The following TAFA1 variants were observed in gnomAD, a reference collection of about 807,000 sequenced individuals.
TAFA1 encodes the protein TAFA chemokine like family member 1.
In TAFA1, 4 loss-of-function variants were observed where a neutral mutation model predicts 18.5. The ratio of observed to expected loss-of-function variants is 0.22; its 90% CI spans 0.11 to 0.49. The LOEUF is 0.49. Among genes scored for constraint, TAFA1 ranks in the 20% least tolerant of loss-of-function variants. The pLI, the probability that TAFA1 is intolerant of heterozygous loss-of-function variation, is 0.98. For missense variants in TAFA1, 147 were observed against 169.0 expected, an observed-to-expected ratio of 0.87 and a Z score of 0.72; for synonymous variants, 56 against 55.2, an observed-to-expected ratio of 1.01 and a Z score of -0.06.
intron 2 of TAFA1, among the ~76,000 whole-genome samples, chr3:68,390,007 CG>C (rs2070194816): frequency 2.6e-5 from 4 of 152,086 alleles, no homozygotes; most frequent in Non-Finnish European, 5.9e-5. Context: ...CAGTGACAAC[CG>C]TTCACTCCCC....
intron 3 of TAFA1, among the ~76,000 whole-genome samples, chr3:68,522,175 T>C (rs1188635316): frequency 6.6e-6 from 1 of 152,154 alleles, no homozygotes; most frequent in Non-Finnish European, 1.5e-5. Context: ...TAAATTTTTC[T>C]AGAATATCCT....
intron 2 of TAFA1, among the ~76,000 whole-genome samples, chr3:68,125,143 A>G (rs2065448920): frequency 6.6e-6 from 1 of 152,210 alleles, no homozygotes; most frequent in South Asian, 2.1e-4. Context: ...CTGAGTTCAT[A>G]GGTTTGAATC....
chr3:68,014,742 C>T (rs1417289133), intron 2 of TAFA1, among the ~76,000 whole-genome samples: 1 of 152,130 alleles, frequency 6.6e-6, no homozygotes, highest in Non-Finnish European at 1.5e-5. Flanking sequence ...TATTTGAAAA[C>T]TTTGTGGATG....
At chr3:68,371,721 A>G (rs868622075) in intron 2 of TAFA1, among the ~76,000 whole-genome samples, 2 of 152,218 alleles carry the variant, frequency 1.3e-5, no homozygotes, top group Non-Finnish European at 2.9e-5. Context: ...AAATCACCTA[A>G]GATAGATGTT....
intron 2 of TAFA1, among the ~76,000 whole-genome samples, chr3:68,231,581 CG>C (rs2066872798): frequency 6.6e-6 from 1 of 150,868 alleles, no homozygotes; most frequent in Non-Finnish European, 1.5e-5. Context: ...AGGATGGTCT[CG>C]ATCTCCTGAC....
At chr3:68,245,992 T>C (rs2107145688) in intron 2 of TAFA1, among the ~76,000 whole-genome samples, 1 of 152,244 alleles carries the variant, frequency 6.6e-6, no homozygotes, top group East Asian at 1.9e-4. Context: ...TCTCCAATAA[T>C]GCAAGCTCCC....
chr3:68,318,003 G>A (rs2068632795), intron 2 of TAFA1, among the ~76,000 whole-genome samples: 1 of 152,118 alleles, frequency 6.6e-6, no homozygotes, highest in Non-Finnish European at 1.5e-5. Context: ...GGGTGGCCAA[G>A]TCGTCTGCCA....
At chr3:68,430,791 AC>A (rs2071154887) in intron 3 of TAFA1, among the ~76,000 whole-genome samples, 1 of 151,960 alleles carries the variant, frequency 6.6e-6, no homozygotes, top group Non-Finnish European at 1.5e-5. Context: ...TCACACTGCT[AC>A]AAAGAGTCTT....
chr3:68,314,167 T>C (rs555360362), intron 2 of TAFA1, among the ~76,000 whole-genome samples: 1 of 152,246 alleles, frequency 6.6e-6, no homozygotes, highest in East Asian at 1.9e-4. Context: ...CTATGAAAAA[T>C]CTTTAGGAGG....
intron 2 of TAFA1, among the ~76,000 whole-genome samples, chr3:68,378,408 G>A (rs937970400): frequency 9.9e-5 from 15 of 152,128 alleles, no homozygotes; most frequent in Non-Finnish European, 1.8e-4. Context: ...CCTCCCACTT[G>A]GAACAGGAGC....
At chr3:68,121,731 C>A (rs543982758) in intron 2 of TAFA1, among the ~76,000 whole-genome samples, 1 of 152,242 alleles carries the variant, frequency 6.6e-6, no homozygotes, top group Admixed American at 6.5e-5. Context: ...CCTTTGTCAT[C>A]TAGATCTATC....
intron 2 of TAFA1, among the ~76,000 whole-genome samples, chr3:68,095,700 T>G (rs942246284): frequency 1.3e-5 from 2 of 152,178 alleles, no homozygotes; most frequent in African/African-American, 4.8e-5. Context: ...GTAACAACAC[T>G]ACTAATTCGT....
chr3:68,187,246 G>A (rs1046676561), intron 2 of TAFA1, among the ~76,000 whole-genome samples: 6 of 151,838 alleles, frequency 4.0e-5, no homozygotes, highest in Non-Finnish European at 8.8e-5. Flanking sequence ...GTTTAGGGGA[G>A]TATAGCATAT....
At chr3:68,368,899 C>T (rs1217473592) in intron 2 of TAFA1, among the ~76,000 whole-genome samples, 1 of 152,174 alleles carries the variant, frequency 6.6e-6, no homozygotes, top group Non-Finnish European at 1.5e-5. Context: ...CTGCTGTTTT[C>T]TCCGTGAATT....
chr3:68,326,515 T>G (rs1165882435), intron 2 of TAFA1, among the ~76,000 whole-genome samples: 5 of 152,200 alleles, frequency 3.3e-5, no homozygotes, highest in Admixed American at 3.3e-4. Context: ...CCTGAGAGTT[T>G]GCTTGCAATT....
chr3:68,192,100 A>G (rs1008136697), intron 2 of TAFA1, among the ~76,000 whole-genome samples: 11 of 151,780 alleles, frequency 7.2e-5, no homozygotes, highest in African/African-American at 2.2e-4. Flanking sequence ...CTTTTCAGCT[A>G]TAAGAGCACT....
At chr3:68,521,596 G>A (rs1472866761) in intron 3 of TAFA1, among the ~76,000 whole-genome samples, 1 of 152,124 alleles carries the variant, frequency 6.6e-6, no homozygotes, top group Non-Finnish European at 1.5e-5. Flanking sequence ...GTTTAGTGTG[G>A]AATTGATCAA....
intron 2 of TAFA1, among the ~76,000 whole-genome samples, chr3:68,107,517 A>T (rs2106829487): frequency 6.6e-6 from 1 of 152,266 alleles, no homozygotes; most frequent in Middle Eastern, 3.4e-3. Context: ...AAATAAAAGC[A>T]CAAACATGAA....
intron 2 of TAFA1, among the ~76,000 whole-genome samples, chr3:68,383,764 TC>T (rs1246121691): frequency 6.6e-6 from 1 of 152,124 alleles, no homozygotes; most frequent in Non-Finnish European, 1.5e-5. Context: ...TATCAGCTCT[TC>T]TTTTTATATC....
Sources: gnomAD v4.1 joint callset for allele counts (sites outside exome capture counted in the v4.1 genomes callset) on GRCh38, gnomAD v4.1.1 for gene constraint, MANE v1.5 for transcripts, NCBI Gene and HGNC (gene_info 2026-07-23, HGNC 2026-07-21) for gene names.